The following CNBD1 variants were observed in gnomAD, a reference collection of about 807,000 sequenced individuals.
CNBD1 encodes the protein cyclic nucleotide binding domain containing 1, also known as cyclic nucleotide-binding domain-containing protein 1.
Under a neutral mutation model 54.4 loss-of-function variants are expected in CNBD1, and 71 were observed. The observed-to-expected ratio is 1.30, with a 90% CI of 1.08 to 1.59. CNBD1 has a LOEUF of 1.59. CNBD1 is among the 40% of genes most tolerant of loss of function. The pLI is 0.00. For missense variants in CNBD1, 659 were observed against 518.0 expected (o/e 1.27, Z -2.64); for synonymous variants, 182 against 170.7 (o/e 1.07, Z -0.51).
chr8:86,948,843 A>G (rs1166008447), intron 4 of CNBD1, among the ~76,000 whole-genome samples: 3 of 152,144 alleles, frequency 2.0e-5, no homozygotes, highest in Non-Finnish European at 4.4e-5. Context: ...GCCCAAACCA[A>G]CGTCCTGGAG....
chr8:86,939,871 T>C (rs929517666), intron 4 of CNBD1, 117 bp downstream of exon 4: 7 of 631,882 alleles, frequency 1.1e-5, no homozygotes, highest in Non-Finnish European at 1.6e-5. Flanking sequence ...GCACTCATGG[T>C]TGATTCAGGA....
intron 4 of CNBD1, among the ~76,000 whole-genome samples, chr8:86,999,089 A>T (rs1040398464): frequency 2.0e-5 from 3 of 152,222 alleles, no homozygotes; most frequent in African/African-American, 7.2e-5. Context: ...CAACTTTCTG[A>T]ACATTCTGAG....
intron 2 of CNBD1, among the ~76,000 whole-genome samples, chr8:87,397,904 C>T (rs749642657): frequency 1.3e-4 from 20 of 151,968 alleles, no homozygotes; most frequent in Non-Finnish European, 2.9e-4. Context: ...AGTTTCTCTG[C>T]ACAAGCTCTC....
At chr8:87,078,662 G>C (rs75561940) in intron 4 of CNBD1, among the ~76,000 whole-genome samples, 1 of 152,168 alleles carries the variant, frequency 6.6e-6, no homozygotes, top group Non-Finnish European at 1.5e-5. Context: ...ATAGAGTCTT[G>C]ATGGCTTTGG....
intron 4 of CNBD1, chr8:87,044,413 C>G (rs1343955119): frequency 1.3e-5 from 2 of 151,968 alleles, no homozygotes; most frequent in African/African-American, 4.8e-5. Context: ...GTTATCTGAG[C>G]TTGTGGTCTC....
chr8:87,237,096 C>T lies in CNBD1; in HGVS notation c.755C>T (p.Pro252Leu), dbSNP rs770703761. ...KNSTLAEMYL[P>L]SYDSMLSKWS... ...TCTACACTTGCTGAGATGTACCTAC[C>T]TTCATATGACTCAATGGTAAGAGAT... The change falls in exon 6 of 11, where the codon CCT (proline) becomes CTT (leucine). Residue 252 changes from proline (P) to leucine (L), a missense_variant. By Grantham distance (98) the Pro-to-Leu change is moderately conservative. Coordinates refer to ENST00000518476, the MANE Select transcript of CNBD1 (RefSeq NM_173538.3). 5 of 1,603,822 alleles carry T rather than the reference C, an allele frequency of 3.1e-6. No individual in the cohort carries two copies. Among genetic ancestry groups the T allele is most frequent in the Non-Finnish European group, 4.3e-6 (5 of 1,173,792 alleles).
At chr8:87,002,224 A>C (rs2130546522) in intron 4 of CNBD1, among the ~76,000 whole-genome samples, 1 of 152,276 alleles carries the variant, frequency 6.6e-6, no homozygotes. Flanking sequence ...ACCTCCACTG[A>C]CAAAAATTTG....
chr8:86,929,011 G>A (rs1400852854), intron 3 of CNBD1, among the ~76,000 whole-genome samples: 3 of 152,214 alleles, frequency 2.0e-5, no homozygotes, highest in Admixed American at 6.5e-5. Flanking sequence ...AAATACTGGG[G>A]CTTAATCTCT....
At chr8:87,229,577 A>T (rs562957362) in intron 5 of CNBD1, among the ~76,000 whole-genome samples, 6 of 152,232 alleles carry the variant, frequency 3.9e-5, no homozygotes, top group Admixed American at 2.0e-4. Flanking sequence ...GATTATGTCA[A>T]ATACTCTTTG....
intron 4 of CNBD1, among the ~76,000 whole-genome samples, chr8:86,992,222 TAA>T (rs1308781316): frequency 5.3e-5 from 8 of 151,860 alleles, no homozygotes; most frequent in Non-Finnish European, 1.2e-4. Flanking sequence ...TTAGTATAGT[TAA>T]GTCTTTTTTT....
intron 2 of CNBD1, among the ~76,000 whole-genome samples, chr8:87,421,422 C>G (rs1807934795): frequency 8.7e-6 from 1 of 114,320 alleles, no homozygotes; most frequent in Non-Finnish European, 1.9e-5. Flanking sequence ...TCTCCCTCCC[C>G]CCCTCCCCCC....
intron 6 of CNBD1, among the ~76,000 whole-genome samples, chr8:87,263,861 C>T (rs1433088717): frequency 1.3e-5 from 2 of 152,048 alleles, no homozygotes; most frequent in Admixed American, 6.6e-5. Flanking sequence ...GGAAATTAAT[C>T]AATTTTTAAA....
At chr8:87,271,842 T>A (rs1400105739) in intron 6 of CNBD1, among the ~76,000 whole-genome samples, 1 of 151,118 alleles carries the variant, frequency 6.6e-6, no homozygotes, top group Admixed American at 6.6e-5. Flanking sequence ...GTAGCCCAGA[T>A]ACAGAAGCAA....
At chr8:87,054,043 A>G (rs1245811063) in intron 4 of CNBD1, among the ~76,000 whole-genome samples, 2 of 152,238 alleles carry the variant, frequency 1.3e-5, no homozygotes, top group African/African-American at 4.8e-5. Context: ...AATTTCCACC[A>G]CACTGTCAAA....
At chr8:87,185,358 C>T (rs368185171) in intron 4 of CNBD1, among the ~76,000 whole-genome samples, 6 of 151,996 alleles carry the variant, frequency 3.9e-5, no homozygotes, top group South Asian at 2.1e-4. Flanking sequence ...TACTTCTTCG[C>T]GTAGTAATTT....
intron 3 of CNBD1, among the ~76,000 whole-genome samples, chr8:86,920,053 G>T (rs571033522): frequency 6.6e-6 from 1 of 151,788 alleles, no homozygotes; most frequent in Non-Finnish European, 1.5e-5. Context: ...ATTGGGAAAA[G>T]TTTCTACTGG....
At chr8:86,957,058 A>G (rs1027036569) in intron 4 of CNBD1, among the ~76,000 whole-genome samples, 2 of 152,206 alleles carry the variant, frequency 1.3e-5, no homozygotes, top group Non-Finnish European at 2.9e-5. Context: ...GAATTTCACC[A>G]AAGGCTTTTT....
chr8:87,365,006 C>T (rs902852545), intron 10 of CNBD1, among the ~76,000 whole-genome samples: 1 of 151,800 alleles, frequency 6.6e-6, no homozygotes, highest in Non-Finnish European at 1.5e-5. Context: ...TGGTATATAC[C>T]CAGTGGTGAG....
intron 2 of CNBD1, among the ~76,000 whole-genome samples, chr8:87,402,921 C>G (rs556196157): frequency 1.3e-5 from 2 of 152,156 alleles, no homozygotes; most frequent in Admixed American, 1.3e-4. Context: ...TGTACAAGCA[C>G]ACAAGCATAC....
Sources: allele counts gnomAD v4.1 joint callset (sites outside exome capture counted in the v4.1 genomes callset), GRCh38; gene constraint gnomAD v4.1.1; transcripts MANE v1.5; gene names NCBI Gene and HGNC (gene_info 2026-07-23, HGNC 2026-07-21).